TNKS1BP1: variants seen among roughly 807,000 people sequenced by gnomAD.
The protein encoded by TNKS1BP1 is CCR4-NOT transcription complex subunit 12, also known as 182 kDa tankyrase-1-binding protein.
TNKS1BP1 carries 48 observed loss-of-function variants against 141.1 expected under a neutral mutation model. The ratio of observed to expected loss-of-function variants is 0.34; its 90% CI spans 0.27 to 0.43. The LOEUF (loss-of-function observed/expected upper bound fraction) is 0.43, where lower values mean the gene tolerates loss of function less well. TNKS1BP1 is among the 20% of genes least tolerant of loss of function. The pLI is 1.00. For missense variants in TNKS1BP1, 2,149 were observed against 2,226.0 expected, an observed-to-expected ratio of 0.97 and a Z score of 0.70; for synonymous variants, 875 against 898.2, an observed-to-expected ratio of 0.97 and a Z score of 0.46.
chr11:57,305,978 A>C (rs1255086069), intron 6 of TNKS1BP1, among the ~76,000 whole-genome samples: 1 of 152,142 alleles, frequency 6.6e-6, no homozygotes, highest in Non-Finnish European at 1.5e-5. Flanking sequence ...TTTAAAGAGA[A>C]AGTGCCCATA....
chr11:57,308,202 A>G (rs989541848), intron 6 of TNKS1BP1, among the ~76,000 whole-genome samples, 193 bp downstream of exon 6: 7 of 152,224 alleles, frequency 4.6e-5, no homozygotes, highest in Non-Finnish European at 1.0e-4. Flanking sequence ...CAAAAAAGGA[A>G]CTCACCTGTA....
At position 57,309,768 on chromosome 11, in the gene TNKS1BP1, G is replaced by A; in HGVS notation, c.2943C>T (p.Pro981=). 3 of 1,614,172 alleles carry A rather than the reference G, an allele frequency of 1.9e-6. No homozygotes were observed. Among genetic ancestry groups the A allele is most frequent in the South Asian group, 1.1e-5 (1 of 91,066 alleles). ...CCTCGGGGCTGAACCCAGAGCTCAGGGGTCTCGTTCCAAAGCTTCTGTCCT... is the reference window on the plus strand; with the variant it reads ...CCTCGGGGCTGAACCCAGAGCTCAGAGGTCTCGTTCCAAAGCTTCTGTCCT... ...DAQDRSFGTR[P]LSSGFSPEEA... The change falls in exon 6 of 12, where the codon CCC becomes CCT. Residue 981 remains proline (P), a synonymous_variant. Transcript: ENST00000358252. The surrounding 1 kb of genome is among the most constrained non-coding windows in gnomAD (Gnocchi z 4.3).
At chr11:57,315,027 T>G (rs1056317494) in intron 4 of TNKS1BP1, among the ~76,000 whole-genome samples, 2 of 152,130 alleles carry the variant, frequency 1.3e-5, no homozygotes, top group Non-Finnish European at 2.9e-5. Context: ...CCATAACCGC[T>G]GCATCACTGC....
intron 1 of TNKS1BP1, among the ~76,000 whole-genome samples, chr11:57,323,158 T>C (rs2134378600): frequency 6.6e-6 from 1 of 152,312 alleles, no homozygotes; most frequent in Middle Eastern, 3.4e-3. Flanking sequence ...ATTATTACTG[T>C]GATTCCATTC....
chr11:57,303,792 G>A (rs1445636071), intron 6 of TNKS1BP1, among the ~76,000 whole-genome samples: 2 of 152,196 alleles, frequency 1.3e-5, no homozygotes, highest in Non-Finnish European at 2.9e-5. Flanking sequence ...GCTCACGCCT[G>A]TAATTCCAGC....
rs781684040 is a variant in TNKS1BP1, at chr11:57,302,967, G to C, written c.4317-142C>G. On this transcript the variant is annotated intron_variant, in intron 6 of 11. Coordinates refer to ENST00000358252, the MANE Select transcript of TNKS1BP1 (RefSeq NM_033396.3). The surrounding 1 kb of genome is among the most constrained non-coding windows in gnomAD (Gnocchi z 5.5). The stretch of plus-strand genomic sequence containing the variant: ...TGCTTTTTCCAGACTCCAAGGACAC[G>C]GTCAGGGCCTTGAGCAACACAGCAC... The C allele has an allele frequency of 1.0e-5, 11 of 1,059,958 alleles. No homozygotes were observed. Among genetic ancestry groups the C allele is most frequent in the Non-Finnish European group, 1.3e-5 (10 of 771,868 alleles). The allele number at this position is 1,059,958 out of a possible 1,614,324, so 65.7% of individuals were successfully genotyped here. A position where few individuals can be genotyped will look rare whatever the true frequency, so the allele number is the denominator to read the frequency against.
chr11:57,312,424 C>T, intron 5 of TNKS1BP1, 110 bp downstream of exon 5: 2 of 1,277,804 alleles, frequency 1.6e-6, no homozygotes, highest in African/African-American at 1.5e-5. Context: ...GCCTTGCTCA[C>T]TACCACAGCC....
In TNKS1BP1 at chr11:57,301,835, A is replaced by C; in HGVS notation, c.4943T>G (p.Phe1648Cys). 1 of 1,614,146 alleles carries C rather than the reference A, an allele frequency of 6.2e-7. No individual in the cohort carries two copies. Among genetic ancestry groups the C allele is most frequent in the Non-Finnish European group, 8.5e-7 (1 of 1,180,004 alleles). ...CAGGGCTGAGGGGCTCAGGCCAGGA[A>C]AGAGGTTGACTTTCAGCCCCTTGGT... ...LGTKGLKVNL[F>C]PGLSPSALKA... The change falls in exon 9 of 12, where the codon TTT (phenylalanine) becomes TGT (cysteine). Residue 1648 changes from phenylalanine to cysteine, a missense_variant. By Grantham distance (205) the Phe-to-Cys change is radical. Coordinates refer to ENST00000358252, the MANE Select transcript of TNKS1BP1 (RefSeq NM_033396.3).
In TNKS1BP1 at chr11:57,309,266, C is replaced by G. The variant is rs1416343217; in HGVS notation, c.3445G>C (p.Val1149Leu). ...PSSKMEGGHF[V>L]PPGKTTAGSV... ...CCAGCTGTGGTCTTCCCAGGAGGCA[C>G]AAAGTGACCACCTTCCATCTTGCTA... Residue 1149 changes from valine to leucine, a missense_variant, in exon 6 of 12, where the codon GTG becomes CTG. Physicochemically the swap from Val to Leu is conservative, Grantham distance 32. Transcript: ENST00000358252. The surrounding 1 kb of genome is among the most constrained non-coding windows in gnomAD (Gnocchi z 4.3). 1 of 1,614,198 alleles carries G rather than the reference C, an allele frequency of 6.2e-7. No homozygotes were observed. The highest frequency in any genetic ancestry group is 1.1e-5 in the South Asian group (1 of 91,084).
At chr11:57,315,911 A>G (rs925212132) in intron 4 of TNKS1BP1, among the ~76,000 whole-genome samples, 1 of 151,632 alleles carries the variant, frequency 6.6e-6, no homozygotes. Context: ...GATCATTTCC[A>G]TCAGCACACA....
At position 57,313,260 on chromosome 11, in the gene TNKS1BP1, G is replaced by A. The variant is rs1437139818; in HGVS notation, c.1428C>T (p.Phe476=). 17 of 1,612,954 alleles carry A rather than the reference G, an allele frequency of 1.1e-5. No homozygotes were observed. Among genetic ancestry groups the A allele is most frequent in the East Asian group, 2.2e-5 (1 of 44,866 alleles). Residue 476 remains phenylalanine (F), a synonymous_variant, in exon 5 of 12, where the codon TTC becomes TTT. Coordinates refer to ENST00000358252, the MANE Select transcript of TNKS1BP1 (RefSeq NM_033396.3). ...AGGGCCTCGTGGGGAAGGTCCATTC[G>A]AAGGACTGTGATAAGCTCCAGTTGG... is the stretch of plus-strand genomic sequence containing the variant. ...AESNWSLSQS[F]EWTFPTRPSG...
chr11:57,320,810 A>G (rs1855874350), intron 2 of TNKS1BP1, 98 bp from the exon 3 acceptor site: 1 of 1,358,012 alleles, frequency 7.4e-7, no homozygotes, highest in African/African-American at 1.5e-5. Context: ...CCTCCGATTT[A>G]AGAATATTCA....
chr11:57,312,607 G>A lies in TNKS1BP1; in HGVS notation c.2081C>T (p.Pro694Leu), dbSNP rs199657262. 1.9e-6 allele frequency: 3 copies of A among 1,554,958 alleles called. No homozygotes were observed. The highest frequency in any genetic ancestry group is 2.6e-6 in the Non-Finnish European group (3 of 1,153,072). Residue 694 changes from proline to leucine, a missense_variant, in exon 5 of 12, where the codon CCC becomes CTC. Pro to Leu is a moderately conservative substitution (Grantham distance 98). Coordinates refer to ENST00000358252, the MANE Select transcript of TNKS1BP1 (RefSeq NM_033396.3). Reference sequence around the variant, plus strand: ...TCCCCGCCTTGCACCGCCACCACTGGGTGGTGGTGAAGCCAGGAGGTCGTC... The same window carrying A: ...TCCCCGCCTTGCACCGCCACCACTGAGTGGTGGTGAAGCCAGGAGGTCGTC... ...WLDDLLASPP[P>L]SGGGARRGAG...
In TNKS1BP1 at chr11:57,321,873, T is replaced by C. The variant is rs1052217287; in HGVS notation, c.13A>G (p.Thr5Ala). ...GCCATGGCTGAGCTTTCCCTGAGAGTAGACACTTTCATCACATGCGGCAGA... is the reference window on the plus strand; with the variant it reads ...GCCATGGCTGAGCTTTCCCTGAGAGCAGACACTTTCATCACATGCGGCAGA... MKVSTLRESSAMASP... is the reference protein window; with the variant it reads MKVSALRESSAMASP... The change falls in exon 2 of 12, where the codon ACT becomes GCT. Residue 5 changes from threonine (T) to alanine (A), a missense_variant. Physicochemically the swap from Thr to Ala is moderately conservative, Grantham distance 58. Coordinates refer to ENST00000358252, the MANE Select transcript of TNKS1BP1 (RefSeq NM_033396.3). The C allele has an allele frequency of 1.9e-6, 3 of 1,613,168 alleles. No homozygotes were observed. The highest frequency in any genetic ancestry group is 4.5e-5 in the East Asian group (2 of 44,808).
rs1381921002 is a variant in TNKS1BP1, at chr11:57,305,228, G to GTCCCACTCTGAA, written c.4317-2415_4317-2404dup. Among the ~76,000 whole-genome samples, 8 of 152,308 alleles carry GTCCCACTCTGAA rather than the reference G, an allele frequency of 5.3e-5. No individual in the cohort carries two copies. In the East Asian group the frequency reaches 1.5e-3, roughly 29 times the overall value. ...CTGTGGCTTTGACCACAAGTTATTTGTCCCACTCTGAACCTCAGTTTATCT... is the reference window on the plus strand; with the variant it reads ...CTGTGGCTTTGACCACAAGTTATTTGTCCCACTCTGAATCCCACTCTGAACCTCAGTTTATCT... On this transcript the variant is annotated intron_variant, in intron 6 of 11. Coordinates refer to ENST00000358252, the MANE Select transcript of TNKS1BP1 (RefSeq NM_033396.3).
intron 1 of TNKS1BP1, among the ~76,000 whole-genome samples, chr11:57,323,123 A>C (rs1320684802): frequency 6.6e-6 from 1 of 152,172 alleles, no homozygotes; most frequent in Non-Finnish European, 1.5e-5. Flanking sequence ...CCTAGCACAT[A>C]ATAAGTGTTC....
In TNKS1BP1 at chr11:57,309,269, A is replaced by AGATGGAAG; in HGVS notation, c.3441_3442insCTTCCATC (p.Phe1148LeufsTer54). ...GCTGTGGTCTTCCCAGGAGGCACAA[A>AGATGGAAG]GTGACCACCTTCCATCTTGCTAGAA... On this transcript the variant is annotated frameshift_variant, in exon 6 of 12. Transcript: ENST00000358252. LOFTEE classifies it high-confidence loss of function. The surrounding 1 kb of genome is among the most constrained non-coding windows in gnomAD (Gnocchi z 4.3). The AGATGGAAG allele has an allele frequency of 6.2e-7, 1 of 1,614,164 alleles. No homozygotes were observed. The highest frequency in any genetic ancestry group is 8.5e-7 in the Non-Finnish European group (1 of 1,180,016).
In TNKS1BP1 at chr11:57,308,368, C is replaced by T. The variant is rs755235724; in HGVS notation, c.4316+27G>A. ...GACAGCCTTCACATGTTCCCTCCCA[C>T]ACTTGGGATGGGGCTCCGTTCATTA... On this transcript the variant is annotated intron_variant, in intron 6 of 11. Coordinates refer to ENST00000358252, the MANE Select transcript of TNKS1BP1 (RefSeq NM_033396.3). 4.4e-6 allele frequency: 7 copies of T among 1,589,286 alleles called. No individual in the cohort carries two copies. The African/African-American group carries it at 9.4e-5, about 21-fold the overall frequency.
At chr11:57,306,071 A>T (rs1229562807) in intron 6 of TNKS1BP1, among the ~76,000 whole-genome samples, 2 of 152,122 alleles carry the variant, frequency 1.3e-5, no homozygotes, top group Non-Finnish European at 2.9e-5. Flanking sequence ...GTCTGTCTGG[A>T]GTTCAAGACC....
Sources: allele counts gnomAD v4.1 joint callset (sites outside exome capture counted in the v4.1 genomes callset), GRCh38; gene constraint gnomAD v4.1.1; non-coding constraint Gnocchi (gnomAD v3.1); transcripts MANE v1.5; gene names NCBI Gene and HGNC (gene_info 2026-07-23, HGNC 2026-07-21).